GABRA3: variants seen among roughly 807,000 people sequenced by gnomAD.
GABRA3 encodes gamma-aminobutyric acid receptor subunit alpha-3.
A neutral mutation model predicts 30.1 loss-of-function variants in GABRA3; 10 were observed. That is an observed-to-expected ratio of 0.33 (90% CI 0.20 to 0.56). The LOEUF is 0.56. Ranked by LOEUF, GABRA3 falls within the 20% of genes least tolerant of loss-of-function variation. GABRA3 has a pLI of 0.89. For missense variants in GABRA3, 233 were observed against 392.0 expected, an observed-to-expected ratio of 0.59 and a Z score of 3.42; for synonymous variants, 151 against 146.8, an observed-to-expected ratio of 1.03 and a Z score of -0.21.
intron 2 of GABRA3, among the ~76,000 whole-genome samples, chrX:152,359,998 A>G (rs946224259): frequency 1.9e-5 from 2 of 104,295 alleles, no homozygotes; most frequent in Non-Finnish European, 3.9e-5. Context: ...ACATGAACTC[A>G]TCATTTTTTA....
chrX:152,392,951 A>G (rs1308672465), intron 1 of GABRA3, among the ~76,000 whole-genome samples: 7 of 111,757 alleles, frequency 6.3e-5, no homozygotes, highest in Non-Finnish European at 1.1e-4. Context: ...GATGTCAGAT[A>G]TGTCAAAAGA....
rs775497231 is a variant in GABRA3 at position 152,432,608 on chromosome X, C to T, written c.-27+18538G>A. Among the ~76,000 whole-genome samples the T allele has an allele frequency of 2.7e-5, 3 of 110,928 alleles. 1 individual carries two copies. The South Asian group carries it at 1.1e-3, about 42-fold the overall frequency. On this transcript the variant is annotated intron_variant, in intron 1 of 9. Transcript: ENST00000370314. ...ACAGAAATTGAACCAGGAGGCTAAA[C>T]ATCAAATCTCCCTCCTAACACTCTG...
At chrX:152,274,984 C>T (rs1463844307) in intron 4 of GABRA3, among the ~76,000 whole-genome samples, 2 of 101,009 alleles carry the variant, frequency 2.0e-5, no homozygotes, top group African/African-American at 7.2e-5. Context: ...CCCAATTACA[C>T]TATTTTTTTC....
intron 3 of GABRA3, among the ~76,000 whole-genome samples, chrX:152,291,740 G>A (rs1048163673): frequency 5.4e-5 from 6 of 111,379 alleles, no homozygotes; most frequent in African/African-American, 1.3e-4. Flanking sequence ...GAATCTTGTC[G>A]AAGGCCTTTT....
chrX:152,235,156 G>C (rs1327561706), intron 5 of GABRA3, among the ~76,000 whole-genome samples: 1 of 111,425 alleles, frequency 9.0e-6, no homozygotes, highest in East Asian at 2.8e-4. Flanking sequence ...TCGGTGTTTT[G>C]TAGTTTTCGT....
At chrX:152,169,437 C>A (rs942347032) in intron 9 of GABRA3, among the ~76,000 whole-genome samples, 1 of 111,961 alleles carries the variant, frequency 8.9e-6, no homozygotes, top group Non-Finnish European at 1.9e-5. Context: ...ACTCAAACAC[C>A]CAGTGGGAAG....
At chrX:152,179,867 C>T (rs1937122731) in intron 9 of GABRA3, among the ~76,000 whole-genome samples, 1 of 111,515 alleles carries the variant, frequency 9.0e-6, no homozygotes. Flanking sequence ...TCTTCAGGTT[C>T]ATCCGTGCTT....
intron 3 of GABRA3, among the ~76,000 whole-genome samples, chrX:152,345,093 TGA>T (rs967429390): frequency 2.7e-5 from 3 of 111,524 alleles, no homozygotes; most frequent in Non-Finnish European, 5.6e-5. Flanking sequence ...CTCAGGGTTT[TGA>T]AAACAAAGGC....
intron 6 of GABRA3, among the ~76,000 whole-genome samples, chrX:152,212,825 A>G (rs755344509): frequency 1.3e-3 from 145 of 111,606 alleles, no homozygotes; most frequent in African/African-American, 4.7e-3. Context: ...TTATTCACCC[A>G]CTGGGGAGCA....
chrX:152,432,592 G>T (rs1930673429), intron 1 of GABRA3, among the ~76,000 whole-genome samples: 1 of 110,890 alleles, frequency 9.0e-6, no homozygotes, highest in Non-Finnish European at 1.9e-5. Flanking sequence ...AACAGAAATT[G>T]AACCAGGAGG....
chrX:152,176,621 A>G (rs1207181646), intron 9 of GABRA3, among the ~76,000 whole-genome samples: 1 of 111,576 alleles, frequency 9.0e-6, no homozygotes, highest in Non-Finnish European at 1.9e-5. Flanking sequence ...TGTGCTGGGA[A>G]GACTTGAAGA....
chrX:152,236,534 G>A (rs1938217999), intron 5 of GABRA3, among the ~76,000 whole-genome samples: 1 of 95,494 alleles, frequency 1.0e-5, no homozygotes, highest in Non-Finnish European at 2.1e-5. Context: ...TGGGTCAAAT[G>A]GTATTTCCAG....
chrX:152,431,178 G>A (rs1237365354), intron 1 of GABRA3, among the ~76,000 whole-genome samples: 1 of 111,823 alleles, frequency 8.9e-6, no homozygotes, highest in African/African-American at 3.3e-5. Flanking sequence ...AAGCTAGAAG[G>A]TAGTGGAGCA....
At chrX:152,325,108 G>T (rs974882268) in intron 3 of GABRA3, among the ~76,000 whole-genome samples, 1 of 111,374 alleles carries the variant, frequency 9.0e-6, no homozygotes, top group Non-Finnish European at 1.9e-5. Flanking sequence ...AAACCTGGTA[G>T]ATTACAGAGC....
intron 1 of GABRA3, among the ~76,000 whole-genome samples, chrX:152,414,877 G>T (rs1026163989): frequency 9.4e-6 from 1 of 106,689 alleles, no homozygotes; most frequent in African/African-American, 3.4e-5. Flanking sequence ...AAAAAACCAT[G>T]GAGGAACCTT....
intron 1 of GABRA3, among the ~76,000 whole-genome samples, chrX:152,369,691 T>C (rs1026431958): frequency 1.8e-5 from 2 of 111,577 alleles, no homozygotes; most frequent in Non-Finnish European, 3.8e-5. Flanking sequence ...ACATTCCTCA[T>C]ACATCCTATA....
intron 1 of GABRA3, among the ~76,000 whole-genome samples, chrX:152,411,359 C>A (rs1247884646): frequency 1.8e-5 from 2 of 109,864 alleles, no homozygotes; most frequent in Non-Finnish European, 3.8e-5. Flanking sequence ...AAAAAAGAAC[C>A]AAATAAAAAT....
intron 1 of GABRA3, among the ~76,000 whole-genome samples, chrX:152,395,475 T>TA (rs1218885038): frequency 1.8e-5 from 2 of 111,315 alleles, no homozygotes; most frequent in Non-Finnish European, 3.8e-5. Flanking sequence ...TGGCTATCCT[T>TA]CAGGAGTGGT....
At chrX:152,437,948 A>G (rs769829905) in intron 1 of GABRA3, among the ~76,000 whole-genome samples, 1 of 112,362 alleles carries the variant, frequency 8.9e-6, no homozygotes. Context: ...TGATCCATGA[A>G]AGTAAAAACT....
Sources: gnomAD v4.1 joint callset for allele counts (sites outside exome capture counted in the v4.1 genomes callset) on GRCh38, gnomAD v4.1.1 for gene constraint, MANE v1.5 for transcripts, NCBI Gene and HGNC (gene_info 2026-07-23, HGNC 2026-07-21) for gene names.